UVSSA: variants seen among roughly 807,000 people sequenced by gnomAD.
UVSSA encodes the protein UV-stimulated scaffold protein A.
UVSSA carries 72 observed loss-of-function variants against 73.9 expected under a neutral mutation model. That is an observed-to-expected ratio of 0.97 (90% CI 0.81 to 1.19). The LOEUF is 1.19. UVSSA is among the 50% of genes most tolerant of loss of function. The probability of loss-of-function intolerance (pLI) is 0.00; values close to 1 mark genes in which losing one functional copy is unlikely to be tolerated. For synonymous variants in UVSSA, 454 were observed against 391.3 expected (o/e 1.16, Z -1.89); for missense variants, 1,150 against 965.0 (o/e 1.19, Z -2.54).
At chr4:1,383,407 C>T (rs1719729669) in intron 12 of UVSSA, among the ~76,000 whole-genome samples, 1 of 152,220 alleles carries the variant, frequency 6.6e-6, no homozygotes, top group South Asian at 2.1e-4. Context: ...CCCCCAACCG[C>T]TGGCCTTAGC....
upstream of UVSSA, among the ~76,000 whole-genome samples, chr4:1,342,105 T>C (rs953467143): frequency 6.6e-6 from 1 of 152,270 alleles, no homozygotes; most frequent in Non-Finnish European, 1.5e-5. Flanking sequence ...TTTTCATTTC[T>C]TTGGGAAGTA....
chr4:1,382,387 C>T (rs565662863), intron 12 of UVSSA, among the ~76,000 whole-genome samples: 46 of 152,344 alleles, frequency 3.0e-4, no homozygotes, highest in Non-Finnish European at 6.2e-4. Flanking sequence ...CGGTATTGAT[C>T]CCCGCCTCCC....
In UVSSA at chr4:1,369,699, G is replaced by A. The variant is rs142798174; in HGVS notation, c.1288+3268G>A. Among the ~76,000 whole-genome samples the A allele has an allele frequency of 6.6e-3, 1,007 of 152,362 alleles. 9 individuals carry two copies. The highest frequency in any genetic ancestry group is 0.023 in the African/African-American group (941 of 41,588). Reference sequence around the variant, plus strand: ...TCAGCGCTGGGCAGGCCGCCTGGGCGCAGAGGCCCCCCTCTCCGTTTCCTA... The same window carrying A: ...TCAGCGCTGGGCAGGCCGCCTGGGCACAGAGGCCCCCCTCTCCGTTTCCTA... On this transcript the variant is annotated intron_variant, in intron 8 of 13. Coordinates refer to ENST00000389851, the MANE Select transcript of UVSSA (RefSeq NM_020894.4).
rs200874287 is a variant in UVSSA, at chr4:1,353,302, A to G, written c.823A>G (p.Thr275Ala). ...RAGGGAQPSQTATGDPSDEDE... is the reference protein window; with the variant it reads ...RAGGGAQPSQAATGDPSDEDE... The stretch of plus-strand genomic sequence containing the variant: ...GGGCGGCGGGGCACAGCCATCCCAG[A>G]CAGCCACAGGTGACCCCTCAGATGA... The change falls in exon 5 of 14, where the codon ACA (threonine) becomes GCA (alanine). Residue 275 changes from threonine (T) to alanine (A), a missense_variant. Thr to Ala is a moderately conservative substitution (Grantham distance 58, BLOSUM62 0). Transcript: ENST00000389851. 4.7e-5 allele frequency: 75 copies of G among 1,611,544 alleles called. 2 individuals carry two copies. The East Asian group carries it at 1.6e-3, about 35-fold the overall frequency.
intron 11 of UVSSA, 116 bp from the exon 12 acceptor site, chr4:1,380,764 C>A (rs1459874694): frequency 6.4e-7 from 1 of 1,573,770 alleles, no homozygotes; most frequent in Non-Finnish European, 8.6e-7. Flanking sequence ...TACACTTTGG[C>A]TCTGTGATAC....
chr4:1,363,887 C>T (rs1296059954), intron 7 of UVSSA, among the ~76,000 whole-genome samples: 3 of 152,266 alleles, frequency 2.0e-5, no homozygotes, highest in East Asian at 1.9e-4. Context: ...TTCCCAGATG[C>T]TCAGCAGTGG....
exon 14 of UVSSA, chr4:1,394,214 G>T: frequency 1.8e-6 from 1 of 558,082 alleles, no homozygotes; most frequent in Non-Finnish European, 3.1e-6. Context: ...GCCTCCAGGA[G>T]TGTGGCAGAG....
chr4:1,386,082 A>C lies in UVSSA; in HGVS notation c.*121A>C. 9.4e-7 allele frequency: 1 copy of C among 1,060,636 alleles called. No individual in the cohort carries two copies. Among genetic ancestry groups the C allele is most frequent in the Non-Finnish European group, 1.4e-6 (1 of 706,366 alleles). 65.7% of individuals were successfully genotyped at this position (1,060,636 alleles called of 1,614,324 possible). On this transcript the variant is annotated 3_prime_UTR_variant, in exon 14 of 14. Coordinates refer to ENST00000389851, the MANE Select transcript of UVSSA (RefSeq NM_020894.4). ...TTGTCTATTACTGTGTTTGATGTAA[A>C]GAAATGGTGTGTTGCAATGCCCTGA...
chr4:1,366,655 GCC>G lies in UVSSA; in HGVS notation c.1288+225_1288+226del, dbSNP rs1163461793. 7.9e-5 allele frequency among the ~76,000 whole-genome samples: 12 copies of G among 152,342 alleles called. No homozygotes were observed. In the South Asian group the frequency reaches 2.3e-3, roughly 29 times the overall value. On this transcript the variant is annotated intron_variant, in intron 8 of 13. Coordinates refer to ENST00000389851, the MANE Select transcript of UVSSA (RefSeq NM_020894.4). The stretch of plus-strand genomic sequence containing the variant: ...TTCTGGCTCCGTCTCGGGTTCTCGG[GCC>G]TGGGGCCCTCCCTGCAGCCTGCCCC...
chr4:1,360,368 C>T (rs970977235), intron 7 of UVSSA, among the ~76,000 whole-genome samples: 4 of 151,484 alleles, frequency 2.6e-5, no homozygotes, highest in African/African-American at 4.9e-5. Context: ...ACAAGCCCAG[C>T]GCTCCTTGAA....
intron 8 of UVSSA, among the ~76,000 whole-genome samples, chr4:1,372,708 AG>A (rs1718222657): frequency 1.4e-5 from 1 of 71,156 alleles, no homozygotes; most frequent in African/African-American, 1.3e-4. Flanking sequence ...CGCATCTCAG[AG>A]CACTCATCTC....
At chr4:1,364,843 C>T (rs1265702706) in intron 7 of UVSSA, among the ~76,000 whole-genome samples, 1 of 152,200 alleles carries the variant, frequency 6.6e-6, no homozygotes, top group Non-Finnish European at 1.5e-5. Context: ...GCCCTGCCAG[C>T]CCCTCTCCTG....
At chr4:1,372,942 C>T (rs974196129) in intron 8 of UVSSA, among the ~76,000 whole-genome samples, 1 of 151,342 alleles carries the variant, frequency 6.6e-6, no homozygotes, top group African/African-American at 2.4e-5. Flanking sequence ...CACCCCCTGC[C>T]CCCTGGCTTT....
At chr4:1,345,644 C>CAAAAAAAAAA (rs71168831), upstream of UVSSA, among the ~76,000 whole-genome samples, 9 of 55,952 alleles carry the variant, frequency 1.6e-4, 2 homozygotes, top group African/African-American at 7.9e-4. Flanking sequence ...GACTTTGTCT[C>CAAAAAAAAAA]AAAAAAAAAA....
chr4:1,357,458 C>T (rs553720440), intron 7 of UVSSA, among the ~76,000 whole-genome samples: 2 of 152,370 alleles, frequency 1.3e-5, no homozygotes, highest in South Asian at 2.1e-4. Flanking sequence ...TCTGGGATGC[C>T]CTCCAAGTGG....
At chr4:1,374,991 C>G (rs1016038282) in intron 8 of UVSSA, 7 of 235,350 alleles carry the variant, frequency 3.0e-5, no homozygotes, top group African/African-American at 1.6e-4. Context: ...GGAGCCTGAG[C>G]TGCCGGGGCT....
At chr4:1,343,754 TC>T (rs1411671236), upstream of UVSSA, among the ~76,000 whole-genome samples, 1 of 151,938 alleles carries the variant, frequency 6.6e-6, no homozygotes, top group Non-Finnish European at 1.5e-5. Context: ...ACCATTGCAC[TC>T]CAGCCTGGGT....
intron 2 of UVSSA, among the ~76,000 whole-genome samples, chr4:1,349,117 G>C (rs1207277206): frequency 6.6e-6 from 1 of 152,154 alleles, no homozygotes; most frequent in African/African-American, 2.4e-5. Context: ...GCTAGGTAAC[G>C]TGTGTTTAAA....
At chr4:1,383,657 G>A (rs935660866) in intron 12 of UVSSA, 109 bp from the exon 13 acceptor site, 13 of 1,405,388 alleles carry the variant, frequency 9.3e-6, no homozygotes, top group East Asian at 2.3e-5. Flanking sequence ...TGGGCAAGGC[G>A]ACCCAGCCCC....
Sources: allele counts gnomAD v4.1 joint callset (sites outside exome capture counted in the v4.1 genomes callset), GRCh38; gene constraint gnomAD v4.1.1; transcripts MANE v1.5; gene names NCBI Gene and HGNC (gene_info 2026-07-23, HGNC 2026-07-21).